The following TRIM58 variants were observed in gnomAD, a reference collection of about 807,000 sequenced individuals.
The protein encoded by TRIM58 is E3 ubiquitin-protein ligase TRIM58.
A neutral mutation model predicts 34.1 loss-of-function variants in TRIM58; 38 were observed. That is an observed-to-expected ratio of 1.12 (90% CI 0.86 to 1.46). TRIM58 has a LOEUF of 1.46. Among genes scored for constraint, TRIM58 ranks in the 40% most tolerant of loss-of-function variants. TRIM58 has a pLI of 0.00. For missense variants in TRIM58, 677 were observed against 642.0 expected (o/e 1.05, Z -0.59); for synonymous variants, 273 against 275.7 (o/e 0.99, Z 0.10).
intron 3 of TRIM58, among the ~76,000 whole-genome samples, chr1:247,866,403 G>T (rs1663926958): frequency 6.6e-6 from 1 of 151,738 alleles, no homozygotes; most frequent in African/African-American, 2.4e-5. Flanking sequence ...GGCTGGTCTT[G>T]AACTCCTAAC....
Position 247,877,205 on chromosome 1 carries a change from T to G in TRIM58, c.*716T>G, listed in dbSNP as rs1010286310. ...TAACTCCTAGACTTTTTCCGTTTTC[T>G]TTGGATACACTTTAAGTAGGAATTT... On this transcript the variant is annotated 3_prime_UTR_variant, in exon 6 of 6. Coordinates refer to ENST00000366481, the MANE Select transcript of TRIM58 (RefSeq NM_015431.4). The G allele has an allele frequency of 5.9e-5, 9 of 151,326 alleles. No individual in the cohort carries two copies. Among genetic ancestry groups the G allele is most frequent in the African/African-American group, 2.2e-4 (9 of 40,574 alleles). 9.4% of individuals were successfully genotyped at this position (151,326 alleles called of 1,614,324 possible).
At position 247,858,286 on chromosome 1, in the gene TRIM58, G is replaced by C. The variant is rs555013807; in HGVS notation, c.420+620G>C. ...CCTCAATGAAGAGGTGCTTCATTTG[G>C]GGTGTAGCCCGGGAAGCTTCAAAGA... On this transcript the variant is annotated intron_variant, in intron 1 of 5. Coordinates refer to ENST00000366481, the MANE Select transcript of TRIM58 (RefSeq NM_015431.4). 4.4e-4 allele frequency among the ~76,000 whole-genome samples: 67 copies of C among 152,102 alleles called. 1 individual carries two copies. The highest frequency in any genetic ancestry group is 8.3e-4 in the South Asian group (4 of 4,820).
In TRIM58 at chr1:247,869,208, C is replaced by CA. The variant is rs202018577; in HGVS notation, c.871+1146dup. Among the ~76,000 whole-genome samples, 1,315 of 152,244 alleles carry CA rather than the reference C, an allele frequency of 8.6e-3. 14 individuals carry two copies. The highest frequency in any genetic ancestry group is 0.047 in the South Asian group (224 of 4,814). The stretch of plus-strand genomic sequence containing the variant: ...AGCCACTGTGCCTGGCCAATGAACT[C>CA]AGTTATTTTGGGTTTTTATGGAAGC... On this transcript the variant is annotated intron_variant, in intron 5 of 5. Coordinates refer to ENST00000366481, the MANE Select transcript of TRIM58 (RefSeq NM_015431.4).
intron 3 of TRIM58, among the ~76,000 whole-genome samples, chr1:247,865,188 G>A (rs1320150414): frequency 6.6e-6 from 1 of 152,178 alleles, no homozygotes; most frequent in Non-Finnish European, 1.5e-5. Context: ...CCAGTTATTA[G>A]GGAGGCTGAG....
At chr1:247,861,224 C>T (rs1456405241) in intron 2 of TRIM58, among the ~76,000 whole-genome samples, 1 of 152,040 alleles carries the variant, frequency 6.6e-6, no homozygotes. Flanking sequence ...TGCACATGTG[C>T]GTGCACACGT....
intron 3 of TRIM58, among the ~76,000 whole-genome samples, chr1:247,865,673 A>G (rs1663901749): frequency 6.6e-6 from 1 of 152,218 alleles, no homozygotes; most frequent in African/African-American, 2.4e-5. Flanking sequence ...TAAGAGTGAA[A>G]GGAAATCTTT....
intron 5 of TRIM58, among the ~76,000 whole-genome samples, chr1:247,871,971 A>G (rs1318753330): frequency 1.3e-5 from 2 of 152,204 alleles, no homozygotes; most frequent in African/African-American, 4.8e-5. Context: ...ATCTGGAAGA[A>G]AGCATTCAGG....
intron 5 of TRIM58, among the ~76,000 whole-genome samples, chr1:247,871,963 C>T (rs1020457636): frequency 6.6e-6 from 1 of 152,168 alleles, no homozygotes; most frequent in African/African-American, 2.4e-5. Context: ...AATATATGAT[C>T]TGGAAGAAAG....
chr1:247,865,084 A>G (rs1663890451), intron 3 of TRIM58, 149 bp downstream of exon 3: 4 of 690,972 alleles, frequency 5.8e-6, no homozygotes, highest in Non-Finnish European at 9.5e-6. Flanking sequence ...TAAACACCCT[A>G]GAATTTACTC....
Position 247,876,532 on chromosome 1 carries a change from T to C in TRIM58, c.*43T>C, listed in dbSNP as rs770646501. On this transcript the variant is annotated 3_prime_UTR_variant, in exon 6 of 6. Coordinates refer to ENST00000366481, the MANE Select transcript of TRIM58 (RefSeq NM_015431.4). ...GCAGTCCTAGCGTAGCGAACGTTCC[T>C]GGAGTGGGGTGAAGGATATCAATAT... 3.4e-6 allele frequency: 5 copies of C among 1,482,300 alleles called. No homozygotes were observed. The South Asian group carries it at 4.9e-5, about 14-fold the overall frequency. 91.8% of individuals were successfully genotyped at this position (1,482,300 alleles called of 1,614,324 possible).
At position 247,866,905 on chromosome 1, in the gene TRIM58, A is replaced by G. The variant is rs1020282510; in HGVS notation, c.748-940A>G. ...CTGAAGGCCAAGACCAAGGCCTGAC[A>G]TTCCCATACAGGGTAAAGCAAATTA... On this transcript the variant is annotated intron_variant, in intron 3 of 5. Coordinates refer to ENST00000366481, the MANE Select transcript of TRIM58 (RefSeq NM_015431.4). 4.6e-5 allele frequency among the ~76,000 whole-genome samples: 7 copies of G among 152,322 alleles called. No individual in the cohort carries two copies. The Middle Eastern group carries it at 0.01, about 222-fold the overall frequency.
intron 5 of TRIM58, among the ~76,000 whole-genome samples, chr1:247,871,784 A>G (rs943655101): frequency 1.3e-5 from 2 of 152,202 alleles, no homozygotes; most frequent in Non-Finnish European, 2.9e-5. Flanking sequence ...ATACTCTACA[A>G]TCCGTAGCTT....
chr1:247,857,381 G>C lies in TRIM58; in HGVS notation c.135G>C (p.Glu45Asp). 6.5e-7 allele frequency: 1 copy of C among 1,527,288 alleles called. No homozygotes were observed. Among genetic ancestry groups the C allele is most frequent in the African/African-American group, 1.4e-5 (1 of 70,294 alleles). The allele number at this position is 1,527,288 out of a possible 1,614,324, so 94.6% of individuals were successfully genotyped here. A position where few individuals can be genotyped will look rare whatever the true frequency, so the allele number is the denominator to read the frequency against. The stretch of plus-strand genomic sequence containing the variant: ...TCAGGTGCATCTCCGAGTTCTGCGA[G>C]AAGTCGGACGGCGCGCAGGGCGGCG... ...FCLRCISEFCEKSDGAQGGVY... is the reference protein window; with the variant it reads ...FCLRCISEFCDKSDGAQGGVY... Residue 45 changes from glutamate to aspartate, a missense_variant, in exon 1 of 6, where the codon GAG (glutamate) becomes GAC (aspartate). By Grantham distance (45) the Glu-to-Asp change is conservative. Coordinates refer to ENST00000366481, the MANE Select transcript of TRIM58 (RefSeq NM_015431.4).
At position 247,864,900 on chromosome 1, in the gene TRIM58, G is replaced by C; in HGVS notation, c.712G>C (p.Glu238Gln). The C allele has an allele frequency of 6.2e-7, 1 of 1,601,542 alleles. No individual in the cohort carries two copies. The highest frequency in any genetic ancestry group is 1.3e-5 in the African/African-American group (1 of 74,908). Residue 238 changes from glutamate (E) to glutamine (Q), a missense_variant, in exon 3 of 6, where the codon GAG becomes CAG. By Grantham distance (29) the Glu-to-Gln change is conservative (BLOSUM62 2). Coordinates refer to ENST00000366481, the MANE Select transcript of TRIM58 (RefSeq NM_015431.4). ...GAAGGAGCTGGCGGATGAGCTGCAG[G>C]AGAGGTGCCAGCGCCCGGCCCTGGG... ...ALKELADELQERCQRPALGLL... is the reference protein window; with the variant it reads ...ALKELADELQQRCQRPALGLL...
At chr1:247,868,139 C>T (rs1360200109) in intron 5 of TRIM58, 76 bp downstream of exon 5, 1 of 1,301,700 alleles carries the variant, frequency 7.7e-7, no homozygotes, top group Non-Finnish European at 1.1e-6. Context: ...ATCTTAGAGA[C>T]TGGGAATGAG....
intron 5 of TRIM58, among the ~76,000 whole-genome samples, chr1:247,869,318 G>A (rs918015508): frequency 6.6e-5 from 10 of 152,186 alleles, no homozygotes; most frequent in Non-Finnish European, 1.5e-4. Context: ...GAGGTGGGGG[G>A]GGGTGAGGCG....
intron 5 of TRIM58, among the ~76,000 whole-genome samples, chr1:247,871,966 G>C (rs967133608): frequency 1.3e-5 from 2 of 152,204 alleles, no homozygotes; most frequent in Non-Finnish European, 2.9e-5. Context: ...ATATGATCTG[G>C]AAGAAAGCAT....
chr1:247,857,335 A>C lies in TRIM58; in HGVS notation c.89A>C (p.Asp30Ala), dbSNP rs1375273589. ...LDFLQEPVSVDCGHSFCLRCI... is the reference protein window; with the variant it reads ...LDFLQEPVSVACGHSFCLRCI... ...TTCCTGCAGGAGCCGGTCAGCGTGG[A>C]CTGCGGCCACAGCTTCTGCCTCAGG... The change falls in exon 1 of 6, where the codon GAC (aspartate) becomes GCC (alanine). Residue 30 changes from aspartate (D) to alanine (A), a missense_variant. Physicochemically the swap from Asp to Ala is moderately radical, Grantham distance 126 (BLOSUM62 -2). Transcript: ENST00000366481. The C allele has an allele frequency of 6.7e-7, 1 of 1,487,948 alleles. No individual in the cohort carries two copies. Among genetic ancestry groups the C allele is most frequent in the Non-Finnish European group, 9.0e-7 (1 of 1,115,732 alleles). 92.2% of individuals were successfully genotyped at this position (1,487,948 alleles called of 1,614,324 possible).
chr1:247,867,892 A>G, intron 4 of TRIM58, 25 bp downstream of exon 4: 1 of 1,613,974 alleles, frequency 6.2e-7, no homozygotes, highest in South Asian at 1.1e-5. Flanking sequence ...TGAATTGGTG[A>G]AGGGATTGGG....
Sources: gnomAD v4.1 joint callset for allele counts (sites outside exome capture counted in the v4.1 genomes callset) on GRCh38, gnomAD v4.1.1 for gene constraint, MANE v1.5 for transcripts, NCBI Gene and HGNC (gene_info 2026-07-23, HGNC 2026-07-21) for gene names.